The following PPA2 variants were observed in gnomAD, a reference collection of about 807,000 sequenced individuals.
PPA2 encodes the protein inorganic pyrophosphatase 2.
In PPA2, 48 loss-of-function variants were observed where a neutral mutation model predicts 49.5. The observed-to-expected ratio is 0.97, with a 90% CI of 0.77 to 1.23. The LOEUF is 1.23. Ranked by LOEUF, PPA2 falls within the 50% of genes most tolerant of loss-of-function variation. The pLI, the probability that PPA2 is intolerant of heterozygous loss-of-function variation, is 0.00. For synonymous variants in PPA2, 131 were observed against 139.9 expected (o/e 0.94, Z 0.45); for missense variants, 429 against 410.1 (o/e 1.05, Z -0.40).
intron 10 of PPA2, among the ~76,000 whole-genome samples, chr4:105,381,368 T>C (rs924335540): frequency 1.3e-5 from 2 of 152,074 alleles, no homozygotes; most frequent in African/African-American, 4.8e-5. Context: ...GTTTACAGTT[T>C]TTTTCCCCTT....
chr4:105,444,566 C>T (rs1233043912), intron 5 of PPA2, among the ~76,000 whole-genome samples: 2 of 152,176 alleles, frequency 1.3e-5, no homozygotes, highest in Non-Finnish European at 2.9e-5. Flanking sequence ...CACTGCAGAA[C>T]ATCTGGAAAT....
intron 10 of PPA2, among the ~76,000 whole-genome samples, chr4:105,383,923 C>T (rs1025963270): frequency 4.0e-5 from 6 of 150,348 alleles, no homozygotes; most frequent in African/African-American, 1.5e-4. Context: ...CCTGATAGCA[C>T]TTTGAAGACT....
intron 7 of PPA2, chr4:105,405,379 CTTAT>C: frequency 2.6e-6 from 2 of 772,174 alleles, no homozygotes; most frequent in Non-Finnish European, 3.1e-6. Context: ...TAATTAATTT[CTTAT>C]TTAACAACAG....
intron 7 of PPA2, among the ~76,000 whole-genome samples, chr4:105,413,398 G>A (rs1039130341): frequency 3.9e-5 from 6 of 152,168 alleles, no homozygotes; most frequent in African/African-American, 4.8e-5. Context: ...CAGCAAACCA[G>A]CATGGCACAT....
At chr4:105,390,808 C>T (rs1283582050) in intron 9 of PPA2, among the ~76,000 whole-genome samples, 2 of 152,088 alleles carry the variant, frequency 1.3e-5, no homozygotes, top group African/African-American at 4.8e-5. Flanking sequence ...CCAGAAATAC[C>T]ATTTGACCCA....
chr4:105,473,235 G>T, intron 1 of PPA2: 1 of 165,768 alleles, frequency 6.0e-6, no homozygotes, highest in Non-Finnish European at 1.3e-5. Flanking sequence ...CCCCGAAGTC[G>T]CTTAGCCTTC....
chr4:105,418,160 T>A (rs1037185584), intron 7 of PPA2, among the ~76,000 whole-genome samples: 1 of 152,358 alleles, frequency 6.6e-6, no homozygotes, highest in Non-Finnish European at 1.5e-5. Flanking sequence ...TGCAAGCCCC[T>A]TTCCAAGCCA....
chr4:105,377,520 A>G (rs1425161888), intron 10 of PPA2, among the ~76,000 whole-genome samples: 35 of 152,296 alleles, frequency 2.3e-4, no homozygotes, highest in Admixed American at 2.2e-3. Context: ...ACTTCAGAAA[A>G]AAAAATTTTT....
At chr4:105,371,514 G>A (rs1178433530) in intron 10 of PPA2, among the ~76,000 whole-genome samples, 1 of 152,070 alleles carries the variant, frequency 6.6e-6, no homozygotes, top group Non-Finnish European at 1.5e-5. Context: ...GTAGAGAAAT[G>A]AAACATGCCA....
At chr4:105,466,837 T>C (rs1460364506) in intron 1 of PPA2, among the ~76,000 whole-genome samples, 2 of 152,182 alleles carry the variant, frequency 1.3e-5, no homozygotes, top group Admixed American at 6.5e-5. Flanking sequence ...AAAGGGACCA[T>C]GTGCAACGTG....
At chr4:105,456,085 C>T (rs753116244) in intron 2 of PPA2, 4 of 368,692 alleles carry the variant, frequency 1.1e-5, no homozygotes, top group South Asian at 9.4e-5. Context: ...GCATCTTTCA[C>T]ACCCTGACAA....
intron 7 of PPA2, among the ~76,000 whole-genome samples, chr4:105,414,315 G>A (rs1026808929): frequency 6.6e-6 from 1 of 152,226 alleles, no homozygotes; most frequent in African/African-American, 2.4e-5. Flanking sequence ...GGATTCTTCA[G>A]CTGTCGCTTT....
intron 7 of PPA2, among the ~76,000 whole-genome samples, chr4:105,408,633 G>A (rs1363762875): frequency 2.0e-5 from 3 of 152,064 alleles, no homozygotes; most frequent in Non-Finnish European, 2.9e-5. Context: ...GATCACTGAA[G>A]AACAAGATGA....
intron 1 of PPA2, among the ~76,000 whole-genome samples, chr4:105,472,885 T>C (rs1029667005): frequency 1.3e-5 from 2 of 152,150 alleles, no homozygotes; most frequent in African/African-American, 2.4e-5. Flanking sequence ...TTTACATATA[T>C]AATGTCATGT....
intron 6 of PPA2, among the ~76,000 whole-genome samples, chr4:105,433,106 C>T (rs1201307903): frequency 6.6e-6 from 1 of 152,142 alleles, no homozygotes; most frequent in Admixed American, 6.5e-5. Flanking sequence ...GGAAATCATT[C>T]ATTTTTCCCC....
At chr4:105,393,485 A>AAATAATAATAATAAT (rs57790851) in intron 9 of PPA2, among the ~76,000 whole-genome samples, 1 of 132,816 alleles carries the variant, frequency 7.5e-6, no homozygotes, top group Non-Finnish European at 1.6e-5. Flanking sequence ...CACTGTCTCA[A>AAATAATAATAATAAT]AATAATAATA....
At chr4:105,383,292 G>A (rs1025361853) in intron 10 of PPA2, among the ~76,000 whole-genome samples, 2 of 152,214 alleles carry the variant, frequency 1.3e-5, no homozygotes, top group African/African-American at 4.8e-5. Flanking sequence ...TCCTTCTAAA[G>A]ATCTCTAACC....
intron 7 of PPA2, among the ~76,000 whole-genome samples, chr4:105,409,296 G>T (rs930154767): frequency 1.3e-5 from 2 of 152,234 alleles, no homozygotes; most frequent in Admixed American, 6.5e-5. Context: ...CTTGTTCACT[G>T]CTAGCGCAGC....
chr4:105,470,603 T>C lies in PPA2; in HGVS notation c.157+3291A>G, dbSNP rs59912746. Among the ~76,000 whole-genome samples, 746 of 152,344 alleles carry C rather than the reference T, an allele frequency of 4.9e-3. 6 individuals carry two copies. The highest frequency in any genetic ancestry group is 0.016 in the African/African-American group (650 of 41,560). ...CAAAATAATCAATCACATCACCTTA[T>C]TTTCTCCCTTCACAGAATCTAATAA... On this transcript the variant is annotated intron_variant, in intron 1 of 11. Coordinates refer to ENST00000341695, the MANE Select transcript of PPA2 (RefSeq NM_176869.3).
Sources: gnomAD v4.1 joint callset for allele counts (sites outside exome capture counted in the v4.1 genomes callset) on GRCh38, gnomAD v4.1.1 for gene constraint, MANE v1.5 for transcripts, NCBI Gene and HGNC (gene_info 2026-07-23, HGNC 2026-07-21) for gene names.